Variants in LRRTM4 observed in about 807,000 individuals in gnomAD.
The protein encoded by LRRTM4 is leucine-rich repeat transmembrane neuronal protein 4.
Under a neutral mutation model 47.6 loss-of-function variants are expected in LRRTM4, and 25 were observed. The ratio of observed to expected loss-of-function variants is 0.53; its 90% CI spans 0.38 to 0.73. LRRTM4 has a LOEUF of 0.73. Among genes scored for constraint, LRRTM4 ranks in the 30% least tolerant of loss-of-function variants. The pLI is 0.00. For synonymous variants in LRRTM4, 311 were observed against 269.5 expected (o/e 1.15, Z -1.51); for missense variants, 638 against 713.4 (o/e 0.89, Z 1.20).
intron 3 of LRRTM4, among the ~76,000 whole-genome samples, chr2:77,067,292 C>G (rs1021632192): frequency 1.3e-5 from 2 of 151,976 alleles, no homozygotes; most frequent in African/African-American, 4.8e-5. Context: ...AAAGGAATTT[C>G]TAAAAGATAA....
chr2:77,058,217 T>C (rs1317332131), intron 3 of LRRTM4, among the ~76,000 whole-genome samples: 1 of 152,194 alleles, frequency 6.6e-6, no homozygotes, highest in East Asian at 1.9e-4. Flanking sequence ...AGGTCACAAA[T>C]CAGAGGTCCT....
intron 3 of LRRTM4, among the ~76,000 whole-genome samples, chr2:77,492,408 G>T (rs944960507): frequency 6.6e-6 from 1 of 152,042 alleles, no homozygotes; most frequent in Non-Finnish European, 1.5e-5. Flanking sequence ...ACAAGCACAT[G>T]CCATCACGCC....
intron 3 of LRRTM4, among the ~76,000 whole-genome samples, chr2:76,997,988 T>C (rs1017377616): frequency 1.3e-5 from 2 of 152,110 alleles, no homozygotes; most frequent in African/African-American, 4.8e-5. Flanking sequence ...AAGATGGGAC[T>C]GTCTAGTTAC....
At chr2:77,074,500 A>T (rs1425454771) in intron 3 of LRRTM4, among the ~76,000 whole-genome samples, 1 of 151,950 alleles carries the variant, frequency 6.6e-6, no homozygotes, top group Non-Finnish European at 1.5e-5. Flanking sequence ...AATATTCAAC[A>T]CCCCTGTTAT....
chr2:77,215,102 A>T (rs1674399534), intron 3 of LRRTM4, among the ~76,000 whole-genome samples: 1 of 152,156 alleles, frequency 6.6e-6, no homozygotes, highest in Non-Finnish European at 1.5e-5. Context: ...TACTTTGATG[A>T]TCAATTAAGT....
In LRRTM4 at chr2:77,363,975, A is replaced by C. The variant is rs560990035; in HGVS notation, c.1551+154343T>G. 3.9e-5 allele frequency among the ~76,000 whole-genome samples: 6 copies of C among 152,244 alleles called. No individual in the cohort carries two copies. The South Asian group carries it at 1.2e-3, about 32-fold the overall frequency. ...ATGTATAATTCCCCATATGATTGAC[A>C]CATTTACCACAGTTACGAAATTACT... On this transcript the variant is annotated intron_variant, in intron 3 of 3. Coordinates refer to ENST00000409884, the MANE Select transcript of LRRTM4 (RefSeq NM_001134745.3).
chr2:76,849,106 AT>A (rs953977818), intron 3 of LRRTM4, among the ~76,000 whole-genome samples: 3 of 151,864 alleles, frequency 2.0e-5, no homozygotes, highest in African/African-American at 7.2e-5. Flanking sequence ...TGGAAATAAG[AT>A]TTTTTTTCTG....
chr2:76,809,111 A>G (rs961882626), intron 3 of LRRTM4, among the ~76,000 whole-genome samples: 1 of 152,180 alleles, frequency 6.6e-6, no homozygotes, highest in Admixed American at 6.5e-5. Flanking sequence ...AGTATAAAAA[A>G]AAATTTAGAA....
chr2:76,852,610 T>C (rs1434941172), intron 3 of LRRTM4, among the ~76,000 whole-genome samples: 1 of 152,194 alleles, frequency 6.6e-6, no homozygotes, highest in Non-Finnish European at 1.5e-5. Context: ...ATTATTTTTC[T>C]TGCCATGTAG....
chr2:77,137,497 T>C (rs777651503), intron 3 of LRRTM4, among the ~76,000 whole-genome samples: 95 of 151,138 alleles, frequency 6.3e-4, no homozygotes, highest in Non-Finnish European at 1.1e-3. Flanking sequence ...AAAGGAACAA[T>C]CAGTACCAGC....
intron 3 of LRRTM4, among the ~76,000 whole-genome samples, chr2:77,017,347 T>C (rs1339200681): frequency 6.6e-6 from 1 of 152,220 alleles, no homozygotes; most frequent in South Asian, 2.1e-4. Flanking sequence ...AATAATTATA[T>C]CCTGAAAACT....
chr2:77,319,007 T>G (rs941020543), intron 3 of LRRTM4, among the ~76,000 whole-genome samples: 1 of 152,108 alleles, frequency 6.6e-6, no homozygotes, highest in Non-Finnish European at 1.5e-5. Context: ...TCTCCATTTA[T>G]AGATAGAGAA....
chr2:77,058,346 C>T (rs971031145), intron 3 of LRRTM4, among the ~76,000 whole-genome samples: 8 of 152,044 alleles, frequency 5.3e-5, no homozygotes, highest in Non-Finnish European at 1.2e-4. Flanking sequence ...CTAGAGCTAC[C>T]GACCATGAAA....
rs1261155778 is a variant in LRRTM4 at position 76,799,719 on chromosome 2, A to T, written c.1552-50803T>A. Among the ~76,000 whole-genome samples, 14 of 133,918 alleles carry T rather than the reference A, an allele frequency of 1.0e-4. No homozygotes were observed. In the East Asian group the frequency reaches 1.5e-3, roughly 14 times the overall value. The allele number at this position is 133,918 out of a possible 152,430, so 87.9% of individuals were successfully genotyped here. A position where few individuals can be genotyped will look rare whatever the true frequency, so the allele number is the denominator to read the frequency against. On this transcript the variant is annotated intron_variant, in intron 3 of 3. Coordinates refer to ENST00000409884, the MANE Select transcript of LRRTM4 (RefSeq NM_001134745.3). ...TAGAAAACCCCATTGTCTCAGCCCA[A>T]AATCTCCTTAAGCTGATAAGCAACT...
chr2:76,775,870 T>C (rs1673956097), intron 3 of LRRTM4, among the ~76,000 whole-genome samples: 1 of 152,148 alleles, frequency 6.6e-6, no homozygotes, highest in Admixed American at 6.5e-5. Flanking sequence ...ACTCGTCATC[T>C]AGCATTAGGT....
chr2:77,381,227 T>A (rs969581102), intron 3 of LRRTM4, among the ~76,000 whole-genome samples: 2 of 152,072 alleles, frequency 1.3e-5, no homozygotes, highest in South Asian at 4.1e-4. Context: ...TAGGATAAAT[T>A]ATTATTAATA....
chr2:76,949,035 G>A (rs940086167), intron 3 of LRRTM4, among the ~76,000 whole-genome samples: 11 of 151,868 alleles, frequency 7.2e-5, no homozygotes, highest in Middle Eastern at 3.4e-3. Context: ...TGAATATTCC[G>A]TATTTGCACC....
At chr2:77,361,811 C>T (rs896376260) in intron 3 of LRRTM4, among the ~76,000 whole-genome samples, 1 of 152,128 alleles carries the variant, frequency 6.6e-6, no homozygotes, top group Admixed American at 6.5e-5. Flanking sequence ...TCTATCAGTA[C>T]AACCATTGAC....
chr2:76,902,452 G>T (rs1206892911), intron 3 of LRRTM4, among the ~76,000 whole-genome samples: 1 of 152,014 alleles, frequency 6.6e-6, no homozygotes, highest in Non-Finnish European at 1.5e-5. Flanking sequence ...TGTGTGTCAG[G>T]CCACCTTACC....
Sources: gnomAD v4.1 joint callset for allele counts (sites outside exome capture counted in the v4.1 genomes callset) on GRCh38, gnomAD v4.1.1 for gene constraint, MANE v1.5 for transcripts, NCBI Gene and HGNC (gene_info 2026-07-23, HGNC 2026-07-21) for gene names.